The following LIPI variants were observed in gnomAD, a reference collection of about 807,000 sequenced individuals.
The protein encoded by LIPI is lipase I.
Under a neutral mutation model 50.6 loss-of-function variants are expected in LIPI, and 59 were observed. The observed-to-expected ratio is 1.16, with a 90% CI of 0.94 to 1.45. LIPI has a LOEUF of 1.45. Ranked by LOEUF, LIPI falls within the 40% of genes most tolerant of loss-of-function variation. The pLI is 0.00. For synonymous variants in LIPI, 203 were observed against 178.2 expected, an observed-to-expected ratio of 1.14 and a Z score of -1.11; for missense variants, 586 against 536.3, an observed-to-expected ratio of 1.09 and a Z score of -0.92.
chr21:14,169,980 G>A (rs1339745645), intron 4 of LIPI, among the ~76,000 whole-genome samples: 2 of 151,884 alleles, frequency 1.3e-5, no homozygotes, highest in Admixed American at 6.6e-5. Flanking sequence ...GACTAATAAA[G>A]AAGAAAAGAG....
At chr21:14,196,126 G>GT (rs35760637) in intron 1 of LIPI, among the ~76,000 whole-genome samples, 123,635 of 136,500 alleles carry the variant, frequency 0.91, 57,010 homozygotes, top group Non-Finnish European at 0.99. Context: ...AGTTCGTAGC[G>GT]TTTTTTTTTT....
chr21:14,210,720 A>G (rs905984263), intron 1 of LIPI, 80 bp downstream of exon 1: 2 of 457,298 alleles, frequency 4.4e-6, no homozygotes, highest in African/African-American at 4.2e-5. Flanking sequence ...ATATCATAAC[A>G]TTCTTTATCC....
rs770280773 is a variant in LIPI at position 14,189,290 on chromosome 21, A to G, written c.176T>C (p.Leu59Pro). ...ATTAAGTGAGTTATTTTGTTCAAAC[A>G]GTGGCTCAGCACAGTTTAGGTTGTT... ...TRNNLNCAEP[L>P]FEQNNSLNVN... Residue 59 changes from leucine (L) to proline (P), a missense_variant, in exon 2 of 10, where the codon CTG becomes CCG. Coordinates refer to ENST00000681601, the MANE Select transcript of LIPI (RefSeq NM_001302998.2). The G allele has an allele frequency of 8.1e-6, 13 of 1,613,978 alleles. No homozygotes were observed. The highest frequency in any genetic ancestry group is 1.0e-5 in the Non-Finnish European group (12 of 1,179,876).
intron 4 of LIPI, among the ~76,000 whole-genome samples, chr21:14,170,563 C>T (rs541938830): frequency 2.1e-4 from 32 of 152,230 alleles, no homozygotes; most frequent in Admixed American, 8.5e-4. Context: ...GTTCAATATA[C>T]GCAAATCAAT....
At chr21:14,164,728 C>A (rs566410187) in intron 6 of LIPI, among the ~76,000 whole-genome samples, 1 of 152,030 alleles carries the variant, frequency 6.6e-6, no homozygotes, top group Non-Finnish European at 1.5e-5. Context: ...TCAGAAGTAG[C>A]AATACTTAAC....
intron 7 of LIPI, among the ~76,000 whole-genome samples, chr21:14,154,792 C>T (rs1407446072): frequency 1.3e-5 from 2 of 151,990 alleles, no homozygotes; most frequent in South Asian, 2.1e-4. Flanking sequence ...CTAAAAATCA[C>T]GGCCTTGGAA....
intron 6 of LIPI, among the ~76,000 whole-genome samples, chr21:14,164,860 A>G (rs2018619500): frequency 6.6e-6 from 1 of 152,154 alleles, no homozygotes; most frequent in Non-Finnish European, 1.5e-5. Flanking sequence ...TCTCAAAAAA[A>G]CAAAAAAACC....
chr21:14,187,535 A>C (rs2019498077), intron 2 of LIPI, among the ~76,000 whole-genome samples: 1 of 152,206 alleles, frequency 6.6e-6, no homozygotes, highest in South Asian at 2.1e-4. Flanking sequence ...ATTTTATCTA[A>C]TATTACAAAT....
At position 14,136,768 on chromosome 21, in the gene LIPI, C is replaced by A. The variant is rs1600849872; in HGVS notation, c.1295+7855G>T. Reference sequence around the variant, plus strand: ...GTTACAGTAGGTCTTGGGCAAGACCCAGTGCTGTACTGGCTTCAGGTCTGA... The same window carrying A: ...GTTACAGTAGGTCTTGGGCAAGACCAAGTGCTGTACTGGCTTCAGGTCTGA... On this transcript the variant is annotated intron_variant, in intron 9 of 9. Transcript: ENST00000681601. Among the ~76,000 whole-genome samples the A allele has an allele frequency of 2.6e-5, 4 of 152,234 alleles. No homozygotes were observed. The East Asian group carries it at 5.8e-4, about 22-fold the overall frequency.
intron 4 of LIPI, among the ~76,000 whole-genome samples, chr21:14,178,159 A>G (rs578172904): frequency 5.5e-4 from 83 of 152,248 alleles, no homozygotes; most frequent in African/African-American, 1.9e-3. Flanking sequence ...ATACATCTCA[A>G]TGGAGATTAA....
chr21:14,161,513 A>G (rs1047284969), intron 7 of LIPI, among the ~76,000 whole-genome samples: 6 of 132,208 alleles, frequency 4.5e-5, no homozygotes, highest in African/African-American at 1.7e-4. Flanking sequence ...TAATATATAG[A>G]TATATAGATA....
intron 7 of LIPI, among the ~76,000 whole-genome samples, chr21:14,159,352 GA>G (rs1375015132): frequency 6.6e-6 from 1 of 151,236 alleles, no homozygotes; most frequent in African/African-American, 2.4e-5. Context: ...CAACATTCTA[GA>G]ATCAATTAAT....
chr21:14,170,859 G>C (rs947071816), intron 4 of LIPI, among the ~76,000 whole-genome samples: 7 of 151,484 alleles, frequency 4.6e-5, no homozygotes, highest in African/African-American at 7.3e-5. Context: ...TGGAAGTTCT[G>C]GCCAGGGCAA....
At chr21:14,127,367 G>T (rs1005633844) in intron 9 of LIPI, among the ~76,000 whole-genome samples, 2 of 152,158 alleles carry the variant, frequency 1.3e-5, no homozygotes, top group African/African-American at 4.8e-5. Flanking sequence ...CCAAACATGT[G>T]TTAGCATCTC....
chr21:14,192,026 TGTGA>T (rs768734360), intron 1 of LIPI, among the ~76,000 whole-genome samples: 70 of 152,332 alleles, frequency 4.6e-4, no homozygotes, highest in Non-Finnish European at 7.5e-4. Context: ...ACTCCACAAG[TGTGA>T]GTAACAGCTG....
intron 8 of LIPI, among the ~76,000 whole-genome samples, chr21:14,149,944 A>G (rs577966725): frequency 1.3e-5 from 2 of 152,278 alleles, no homozygotes; most frequent in East Asian, 3.9e-4. Context: ...GGATCTACCA[A>G]TCTAGAGTCT....
intron 8 of LIPI, among the ~76,000 whole-genome samples, chr21:14,151,740 ACAAGCT>A (rs1452464662): frequency 6.6e-6 from 1 of 152,204 alleles, no homozygotes. Flanking sequence ...TATATATTCA[ACAAGCT>A]CAAGCCAAGA....
At chr21:14,181,998 A>G (rs1428728104) in intron 3 of LIPI, 139 bp from the exon 4 acceptor site, 2 of 664,890 alleles carry the variant, frequency 3.0e-6, no homozygotes, top group East Asian at 5.7e-5. Flanking sequence ...ATATCTAAAA[A>G]CAAATGGAAG....
chr21:14,113,256 C>A lies in LIPI; in HGVS notation c.1296-4176G>T, dbSNP rs932525663. Among the ~76,000 whole-genome samples the A allele has an allele frequency of 8.5e-5, 13 of 152,216 alleles. 2 individuals carry two copies. Among genetic ancestry groups the A allele is most frequent in the East Asian group, 7.7e-4 (4 of 5,182 alleles). On this transcript the variant is annotated intron_variant, in intron 9 of 9. Coordinates refer to ENST00000681601, the MANE Select transcript of LIPI (RefSeq NM_001302998.2). ...GACCCATATGAGGTGAAAAATCAAC[C>A]AATTGAAACTAACCCAGAACTAGCA...
Sources: allele counts gnomAD v4.1 joint callset (sites outside exome capture counted in the v4.1 genomes callset), GRCh38; gene constraint gnomAD v4.1.1; transcripts MANE v1.5; gene names NCBI Gene and HGNC (gene_info 2026-07-23, HGNC 2026-07-21).